Variants in MOXD1 observed in about 807,000 individuals in gnomAD.
MOXD1 encodes monooxygenase DBH like 1, also known as DBH-like monooxygenase protein 1.
In MOXD1, 62 loss-of-function variants were observed where a neutral mutation model predicts 66.6. That is an observed-to-expected ratio of 0.93 (90% CI 0.76 to 1.15). The LOEUF is 1.15. Among genes scored for constraint, MOXD1 ranks in the 50% most tolerant of loss-of-function variants. The probability of loss-of-function intolerance (pLI) is 0.00; values close to 1 mark genes in which losing one functional copy is unlikely to be tolerated. For missense variants in MOXD1, 847 were observed against 754.6 expected (o/e 1.12, Z -1.44); for synonymous variants, 303 against 281.9 (o/e 1.07, Z -0.75).
intron 4 of MOXD1, among the ~76,000 whole-genome samples, chr6:132,370,706 G>C (rs1367284900): frequency 6.6e-6 from 1 of 152,094 alleles, no homozygotes; most frequent in African/African-American, 2.4e-5. Flanking sequence ...TTGTTGTCTA[G>C]AAGACCTCCA....
At chr6:132,368,299 G>A (rs2114654949) in intron 4 of MOXD1, among the ~76,000 whole-genome samples, 1 of 152,180 alleles carries the variant, frequency 6.6e-6, no homozygotes, top group African/African-American at 2.4e-5. Flanking sequence ...AAAGAGTCAT[G>A]CTGAAATATG....
At chr6:132,398,832 G>C (rs1056690434) in intron 1 of MOXD1, among the ~76,000 whole-genome samples, 1 of 150,816 alleles carries the variant, frequency 6.6e-6, no homozygotes, top group East Asian at 1.9e-4. Flanking sequence ...CCAGCTACTC[G>C]GGAGGCTGAG....
intron 4 of MOXD1, among the ~76,000 whole-genome samples, chr6:132,341,107 C>A (rs1775552491): frequency 6.6e-6 from 1 of 152,080 alleles, no homozygotes; most frequent in African/African-American, 2.4e-5. Flanking sequence ...GAATGTGTCC[C>A]CCAAAAATTC....
intron 10 of MOXD1, among the ~76,000 whole-genome samples, chr6:132,312,610 CT>C (rs1774854928): frequency 1.5e-5 from 2 of 131,738 alleles, no homozygotes; most frequent in African/African-American, 5.8e-5. Context: ...TTTTTTTTTT[CT>C]TTTTTCTTTT....
intron 4 of MOXD1, among the ~76,000 whole-genome samples, chr6:132,354,954 G>A (rs1360689662): frequency 6.6e-6 from 1 of 152,102 alleles, no homozygotes; most frequent in Non-Finnish European, 1.5e-5. Context: ...ACAGTCACAG[G>A]CCTCACTCAG....
chr6:132,345,401 T>C (rs1327268340), intron 4 of MOXD1, among the ~76,000 whole-genome samples: 4 of 152,164 alleles, frequency 2.6e-5, no homozygotes, highest in Non-Finnish European at 5.9e-5. Flanking sequence ...AATAAATTGG[T>C]AAGTTTTTCT....
Position 132,328,554 on chromosome 6 carries a change from T to C in MOXD1, c.704A>G (p.His235Arg). The change falls in exon 5 of 12, where the codon CAC (histidine) becomes CGC (arginine). Residue 235 changes from histidine (H) to arginine (R), a missense_variant. His to Arg is a conservative substitution (Grantham distance 29). Coordinates refer to ENST00000367963, the MANE Select transcript of MOXD1 (RefSeq NM_015529.4). ...VIQRGHESLV[H>R]HILLYQCSNN... ...GCTGCACTGATAGAGCAGGATGTGG[T>C]GCACCAGACTCTCATGGCCTCTCTG... The C allele has an allele frequency of 6.2e-7, 1 of 1,614,120 alleles. No homozygotes were observed. Among genetic ancestry groups the C allele is most frequent in the Non-Finnish European group, 8.5e-7 (1 of 1,180,016 alleles).
At position 132,401,359 on chromosome 6, in the gene MOXD1, C is replaced by T; in HGVS notation, c.68G>A (p.Arg23Gln). The change falls in exon 1 of 12, where the codon CGA becomes CAA. Residue 23 changes from arginine to glutamine, a missense_variant. Physicochemically the swap from Arg to Gln is conservative, Grantham distance 43. Transcript: ENST00000367963. ...LPGTAAGGSG[R>Q]TYPHRTLLDS... ...CAGGAGGGTCCGGTGCGGATAGGTT[C>T]GGCCCGAGCCCCCCGCCGCCGTCCC... 6.4e-7 allele frequency: 1 copy of T among 1,557,850 alleles called. No individual in the cohort carries two copies. The highest frequency in any genetic ancestry group is 1.8e-4 in the Middle Eastern group (1 of 5,464).
At chr6:132,364,266 A>G (rs956555459) in intron 4 of MOXD1, among the ~76,000 whole-genome samples, 5 of 152,094 alleles carry the variant, frequency 3.3e-5, no homozygotes, top group Non-Finnish European at 5.9e-5. Context: ...TCTAATTCCC[A>G]GGGAATCTTT....
rs191829705 is a variant in MOXD1, at chr6:132,389,004, C to T, written c.264+12159G>A. ...GAAAATTTTGAAACACACCTCTACC[C>T]TCAGTTCAACGATTGCTGTGTCAGT... is the stretch of plus-strand genomic sequence containing the variant. On this transcript the variant is annotated intron_variant, in intron 1 of 11. Transcript: ENST00000367963. Among the ~76,000 whole-genome samples, 100 of 151,288 alleles carry T rather than the reference C, an allele frequency of 6.6e-4. No individual in the cohort carries two copies. The East Asian group carries it at 0.018, about 27-fold the overall frequency.
At position 132,307,513 on chromosome 6, in the gene MOXD1, G is replaced by A. The variant is rs558748649; in HGVS notation, c.1508+8122C>T. Among the ~76,000 whole-genome samples, 4 of 152,328 alleles carry A rather than the reference G, an allele frequency of 2.6e-5. No individual in the cohort carries two copies. The South Asian group carries it at 6.2e-4, about 24-fold the overall frequency. On this transcript the variant is annotated intron_variant, in intron 10 of 11. Coordinates refer to ENST00000367963, the MANE Select transcript of MOXD1 (RefSeq NM_015529.4). ...GGACTTGAAATCAGCTCTGGATCAA[G>A]TGGACCTAGTAGACGTCTACCGAAC...
intron 1 of MOXD1, among the ~76,000 whole-genome samples, chr6:132,376,200 A>T (rs1335548402): frequency 5.9e-5 from 9 of 152,240 alleles, no homozygotes; most frequent in Non-Finnish European, 1.0e-4. Context: ...ATACATGCTG[A>T]AACATAATTA....
chr6:132,372,399 A>C (rs1479492638), intron 4 of MOXD1, among the ~76,000 whole-genome samples: 2 of 152,214 alleles, frequency 1.3e-5, no homozygotes, highest in Non-Finnish European at 2.9e-5. Context: ...TTGACATGTA[A>C]AATTAGGAGA....
chr6:132,328,148 T>C (rs1301617142), intron 5 of MOXD1, 33 bp from the exon 6 acceptor site: 3 of 1,562,088 alleles, frequency 1.9e-6, no homozygotes, highest in African/African-American at 2.7e-5. Context: ...GACAATGTCC[T>C]ATGAAAGTCC....
Position 132,385,929 on chromosome 6 carries a change from C to G in MOXD1, c.265-11152G>C, listed in dbSNP as rs1006617289. On this transcript the variant is annotated intron_variant, in intron 1 of 11. Transcript: ENST00000367963. Reference sequence around the variant, plus strand: ...CCATCCTGGCTAACACGGTTAAACCCTATCTCTACTAAAAGTACAAAAAAT... The same window carrying G: ...CCATCCTGGCTAACACGGTTAAACCGTATCTCTACTAAAAGTACAAAAAAT... Among the ~76,000 whole-genome samples the G allele has an allele frequency of 2.9e-4, 44 of 150,852 alleles. 1 individual carries two copies. Among genetic ancestry groups the G allele is most frequent in the Middle Eastern group, 6.9e-3 (2 of 290 alleles).
intron 1 of MOXD1, among the ~76,000 whole-genome samples, chr6:132,389,329 C>G (rs1776710038): frequency 6.6e-6 from 1 of 151,538 alleles, no homozygotes; most frequent in Non-Finnish European, 1.5e-5. Flanking sequence ...CACATGCTAG[C>G]CCTTGTTTAA....
chr6:132,320,658 T>C lies in MOXD1; in HGVS notation c.1336A>G (p.Asn446Asp). 2 of 1,611,222 alleles carry C rather than the reference T, an allele frequency of 1.2e-6. No individual in the cohort carries two copies. The highest frequency in any genetic ancestry group is 1.7e-6 in the Non-Finnish European group (2 of 1,178,584). Residue 446 changes from asparagine (N) to aspartate (D), a missense_variant, in exon 9 of 12, where the codon AAC (asparagine) becomes GAC (aspartate). Physicochemically the swap from Asn to Asp is conservative, Grantham distance 23. Coordinates refer to ENST00000367963, the MANE Select transcript of MOXD1 (RefSeq NM_015529.4). ...GDNLITECRY[N>D]TKDRAEMTWG... is the part of the protein sequence containing the mutation. ...GTCATCTCAGCTCTATCTTTCGTGT[T>C]GTAGCGACACTCAGTAATTAGGTTA...
At chr6:132,387,540 G>A (rs1776676168) in intron 1 of MOXD1, among the ~76,000 whole-genome samples, 1 of 150,816 alleles carries the variant, frequency 6.6e-6, no homozygotes, top group Non-Finnish European at 1.5e-5. Flanking sequence ...GATCGCTTGA[G>A]GTCAGGAGTT....
intron 1 of MOXD1, among the ~76,000 whole-genome samples, chr6:132,385,528 G>T (rs368550622): frequency 1.0e-4 from 15 of 149,848 alleles, no homozygotes; most frequent in African/African-American, 3.4e-4. Context: ...CCATTACCCA[G>T]GCTGAAGTTC....
Sources: gnomAD v4.1 joint callset for allele counts (sites outside exome capture counted in the v4.1 genomes callset) on GRCh38, gnomAD v4.1.1 for gene constraint, MANE v1.5 for transcripts, NCBI Gene and HGNC (gene_info 2026-07-23, HGNC 2026-07-21) for gene names.